CDH12: variants seen among roughly 807,000 people sequenced by gnomAD.
The protein encoded by CDH12 is cadherin 12.
A neutral mutation model predicts 74.1 loss-of-function variants in CDH12; 41 were observed. That is an observed-to-expected ratio of 0.55 (90% CI 0.43 to 0.72). CDH12 has a LOEUF of 0.72. CDH12 is among the 30% of genes least tolerant of loss of function. CDH12 has a pLI of 0.00. For missense variants in CDH12, 945 were observed against 977.2 expected (o/e 0.97, Z 0.44); for synonymous variants, 399 against 355.0 (o/e 1.12, Z -1.39).
intron 4 of CDH12, among the ~76,000 whole-genome samples, chr5:22,126,183 T>C (rs1246816107): frequency 2.0e-5 from 3 of 152,200 alleles, no homozygotes; most frequent in Non-Finnish European, 4.4e-5. Flanking sequence ...GATTTTATTC[T>C]GTGAAGACTC....
chr5:21,844,887 A>G (rs902768706), intron 7 of CDH12, among the ~76,000 whole-genome samples: 2 of 152,152 alleles, frequency 1.3e-5, no homozygotes, highest in Non-Finnish European at 2.9e-5. Flanking sequence ...GACAGTCACA[A>G]ATGCAACTAC....
At chr5:22,697,331 G>C (rs1197441907) in intron 1 of CDH12, among the ~76,000 whole-genome samples, 1 of 152,046 alleles carries the variant, frequency 6.6e-6, no homozygotes, top group Non-Finnish European at 1.5e-5. Context: ...CAGCACTTTG[G>C]GAGGCCGAGG....
intron 6 of CDH12, among the ~76,000 whole-genome samples, chr5:21,908,537 C>T (rs1753737035): frequency 6.6e-6 from 1 of 152,132 alleles, no homozygotes; most frequent in South Asian, 2.1e-4. Flanking sequence ...AAGCTCTCTC[C>T]AAGGCCTTTA....
At chr5:21,795,253 A>T (rs961576357) in intron 10 of CDH12, among the ~76,000 whole-genome samples, 2 of 151,750 alleles carry the variant, frequency 1.3e-5, no homozygotes, top group African/African-American at 4.8e-5. Context: ...ATTATTAGAG[A>T]CAATTGTGAT....
At chr5:22,009,209 G>A (rs1737145863) in intron 5 of CDH12, among the ~76,000 whole-genome samples, 1 of 152,118 alleles carries the variant, frequency 6.6e-6, no homozygotes, top group Non-Finnish European at 1.5e-5. Context: ...TGTTCTTTCA[G>A]GCTTCCCAGC....
chr5:22,456,949 T>G (rs1268185), intron 2 of CDH12, among the ~76,000 whole-genome samples: 71,167 of 149,952 alleles, frequency 0.47, 17,106 homozygotes, highest in Admixed American at 0.65. Context: ...TTATTCATGG[T>G]TTTTTTTTTA....
chr5:22,744,547 G>A (rs1380960260), intron 1 of CDH12, among the ~76,000 whole-genome samples: 3 of 152,028 alleles, frequency 2.0e-5, no homozygotes. Flanking sequence ...TTACAAATAA[G>A]TCATTTTTCC....
intron 3 of CDH12, among the ~76,000 whole-genome samples, chr5:22,263,121 G>C (rs548630483): frequency 6.6e-6 from 1 of 152,172 alleles, no homozygotes; most frequent in Admixed American, 6.6e-5. Context: ...AGAAATGCAA[G>C]TGCATACACT....
intron 3 of CDH12, among the ~76,000 whole-genome samples, chr5:22,404,275 T>C (rs1006400837): frequency 3.9e-5 from 6 of 152,050 alleles, no homozygotes; most frequent in Non-Finnish European, 7.4e-5. Context: ...AACTCACCTA[T>C]TTAGATTAGG....
chr5:22,279,532 C>A (rs537236564), intron 3 of CDH12, among the ~76,000 whole-genome samples: 1 of 152,088 alleles, frequency 6.6e-6, no homozygotes, highest in Non-Finnish European at 1.5e-5. Context: ...TCCCCTCCCC[C>A]CACCGCACAA....
chr5:22,760,678 C>CAAAAAAAAAAAAAAAAAAAAAAAAA (rs11284255), intron 1 of CDH12, among the ~76,000 whole-genome samples: 1 of 63,432 alleles, frequency 1.6e-5, no homozygotes, highest in Non-Finnish European at 2.8e-5. Context: ...GACTCCGTCT[C>CAAAAAAAAAAAAAAAAAAAAAAAAA]AAAAAAAAAA....
At chr5:22,302,621 T>C (rs761539511) in intron 3 of CDH12, among the ~76,000 whole-genome samples, 7 of 152,214 alleles carry the variant, frequency 4.6e-5, no homozygotes, top group Middle Eastern at 6.8e-3. Flanking sequence ...ATTCAAGTCA[T>C]TGGAACATAT....
intron 1 of CDH12, among the ~76,000 whole-genome samples, chr5:22,718,537 G>C (rs1743705755): frequency 6.6e-6 from 1 of 152,124 alleles, no homozygotes; most frequent in Non-Finnish European, 1.5e-5. Flanking sequence ...TGGGCCACTG[G>C]GTAAGATCCT....
intron 1 of CDH12, among the ~76,000 whole-genome samples, chr5:22,798,181 T>G (rs77798113): frequency 0.029 from 4,432 of 152,224 alleles, 88 homozygotes; most frequent in Non-Finnish European, 0.044. Flanking sequence ...TAGTTCTGAC[T>G]TCTTCAGGTA....
At chr5:22,399,544 T>C (rs954905650) in intron 3 of CDH12, among the ~76,000 whole-genome samples, 1 of 152,018 alleles carries the variant, frequency 6.6e-6, no homozygotes, top group Non-Finnish European at 1.5e-5. Flanking sequence ...ACAGAGCACA[T>C]AATGGACAAA....
chr5:22,270,623 A>G (rs1300267284), intron 3 of CDH12, among the ~76,000 whole-genome samples: 1 of 151,016 alleles, frequency 6.6e-6, no homozygotes, highest in African/African-American at 2.4e-5. Context: ...ATATATATGT[A>G]TACACACACA....
chr5:22,621,285 C>A lies in CDH12; in HGVS notation c.-522-115921G>T, dbSNP rs545257291. Among the ~76,000 whole-genome samples the A allele has an allele frequency of 1.2e-4, 18 of 152,276 alleles. No individual in the cohort carries two copies. In the East Asian group the frequency reaches 3.1e-3, roughly 26 times the overall value. On this transcript the variant is annotated intron_variant, in intron 1 of 14. Coordinates refer to ENST00000382254, the MANE Select transcript of CDH12 (RefSeq NM_004061.5). ...ACGAGTTCTGTAAGCTAATCAATCA[C>A]ACCTGTGAAGTTCCTTTTGTTGTGT...
chr5:22,370,662 G>A (rs1741248797), intron 3 of CDH12, among the ~76,000 whole-genome samples: 1 of 152,080 alleles, frequency 6.6e-6, no homozygotes, highest in South Asian at 2.1e-4. Context: ...CTAGACATGT[G>A]TTAGTCAAGA....
At chr5:22,503,622 A>C (rs1374264486) in intron 2 of CDH12, among the ~76,000 whole-genome samples, 1 of 152,120 alleles carries the variant, frequency 6.6e-6, no homozygotes, top group Non-Finnish European at 1.5e-5. Flanking sequence ...TTAAAAACAA[A>C]TGAACATGCC....
Sources: gnomAD v4.1 joint callset for allele counts (sites outside exome capture counted in the v4.1 genomes callset) on GRCh38, gnomAD v4.1.1 for gene constraint, MANE v1.5 for transcripts, NCBI Gene and HGNC (gene_info 2026-07-23, HGNC 2026-07-21) for gene names.